Variants in DLG2 observed in about 807,000 individuals in gnomAD.
DLG2 encodes discs large MAGUK scaffold protein 2, also known as disks large homolog 2.
A neutral mutation model predicts 132.5 loss-of-function variants in DLG2; 45 were observed. The observed-to-expected ratio is 0.34, with a 90% confidence interval of 0.27 to 0.44. DLG2 has a LOEUF of 0.44. Among genes scored for constraint, DLG2 ranks in the 20% least tolerant of loss-of-function variants. DLG2 has a pLI of 1.00. For synonymous variants in DLG2, 424 were observed against 419.6 expected (o/e 1.01, Z -0.13); for missense variants, 1,045 against 1,196.9 (o/e 0.87, Z 1.87).
chr11:84,057,668 T>C (rs1442816709), intron 11 of DLG2, among the ~76,000 whole-genome samples: 1 of 152,192 alleles, frequency 6.6e-6, no homozygotes, highest in Non-Finnish European at 1.5e-5. Flanking sequence ...TAGTAAATAA[T>C]AGTACAGATA....
At chr11:85,198,042 T>G (rs1288173395) in intron 4 of DLG2, among the ~76,000 whole-genome samples, 1 of 152,158 alleles carries the variant, frequency 6.6e-6, no homozygotes, top group Non-Finnish European at 1.5e-5. Context: ...ACATGCATTC[T>G]TCCTGTCGGG....
At chr11:84,681,270 T>C (rs1251884393) in intron 6 of DLG2, among the ~76,000 whole-genome samples, 5 of 152,212 alleles carry the variant, frequency 3.3e-5, no homozygotes, top group Non-Finnish European at 7.3e-5. Context: ...GGTATAAGTG[T>C]TACCAAAGAA....
chr11:84,544,872 T>C (rs1214312361), intron 6 of DLG2, among the ~76,000 whole-genome samples: 1 of 152,118 alleles, frequency 6.6e-6, no homozygotes, highest in East Asian at 1.9e-4. Flanking sequence ...AAAAGTGAAT[T>C]TTTCACACAG....
chr11:84,521,793 T>C (rs564127584), intron 7 of DLG2, among the ~76,000 whole-genome samples: 2 of 152,242 alleles, frequency 1.3e-5, no homozygotes, highest in Admixed American at 6.5e-5. Flanking sequence ...ATTGCTTGTT[T>C]ATAATTAAAA....
intron 6 of DLG2, among the ~76,000 whole-genome samples, chr11:84,562,215 T>C (rs2099430043): frequency 6.6e-6 from 1 of 152,148 alleles, no homozygotes; most frequent in Non-Finnish European, 1.5e-5. Flanking sequence ...ATGGCTGTCA[T>C]AGACTAAATA....
At chr11:85,611,444 A>G (rs748449179) in intron 2 of DLG2, among the ~76,000 whole-genome samples, 4 of 152,238 alleles carry the variant, frequency 2.6e-5, no homozygotes, top group Non-Finnish European at 4.4e-5. Context: ...ACCAATCAGC[A>G]TGACTGCCAA....
intron 3 of DLG2, among the ~76,000 whole-genome samples, chr11:85,503,882 T>C (rs1262014691): frequency 6.6e-6 from 1 of 152,028 alleles, no homozygotes; most frequent in East Asian, 1.9e-4. Flanking sequence ...CAGTGAGCTA[T>C]GATCATGTCA....
intron 6 of DLG2, among the ~76,000 whole-genome samples, chr11:85,047,037 A>G (rs1471442868): frequency 6.6e-6 from 1 of 151,980 alleles, no homozygotes; most frequent in Non-Finnish European, 1.5e-5. Flanking sequence ...ATAAGATGCT[A>G]AAATATAGAG....
At chr11:83,583,560 A>G (rs577000445) in intron 19 of DLG2, among the ~76,000 whole-genome samples, 1 of 152,308 alleles carries the variant, frequency 6.6e-6, no homozygotes, top group East Asian at 1.9e-4. Flanking sequence ...GGAGTGGTTT[A>G]TCTCTAAGGT....
chr11:83,817,031 C>T lies in DLG2; in HGVS notation c.1722+16583G>A, dbSNP rs2049182181. Among the ~76,000 whole-genome samples, 3 of 152,260 alleles carry T rather than the reference C, an allele frequency of 2.0e-5. No homozygotes were observed. The South Asian group carries it at 6.2e-4, about 32-fold the overall frequency. On this transcript the variant is annotated intron_variant, in intron 17 of 27. Transcript: ENST00000376104. ...ATTTTACTAGATCTTTACTCAGAAT[C>T]TACTGACTTAAAATAGTAATCTAGC... is the stretch of plus-strand genomic sequence containing the variant.
At chr11:84,122,497 G>A (rs1034647597) in intron 9 of DLG2, among the ~76,000 whole-genome samples, 1 of 152,012 alleles carries the variant, frequency 6.6e-6, no homozygotes, top group Non-Finnish European at 1.5e-5. Flanking sequence ...TTTTGCATGA[G>A]GTCAAGCAGC....
intron 6 of DLG2, among the ~76,000 whole-genome samples, chr11:84,669,736 T>C (rs2099703697): frequency 1.3e-5 from 2 of 152,076 alleles, no homozygotes; most frequent in African/African-American, 4.8e-5. Context: ...CCTGACAATA[T>C]TTTGATCAAA....
intron 6 of DLG2, among the ~76,000 whole-genome samples, chr11:84,744,449 A>G (rs2065096083): frequency 6.6e-6 from 1 of 152,170 alleles, no homozygotes; most frequent in South Asian, 2.1e-4. Context: ...TTTAACTGAC[A>G]AAAATGTAAA....
intron 15 of DLG2, among the ~76,000 whole-genome samples, chr11:83,882,348 G>A (rs2066508164): frequency 6.6e-6 from 1 of 152,204 alleles, no homozygotes; most frequent in African/African-American, 2.4e-5. Context: ...CAAAGTGTAA[G>A]ATTGTACTAA....
intron 6 of DLG2, among the ~76,000 whole-genome samples, chr11:85,062,492 T>C (rs910726485): frequency 2.6e-4 from 39 of 151,670 alleles, no homozygotes; most frequent in African/African-American, 9.4e-4. Flanking sequence ...AATGCAAACA[T>C]TGTGTTAAAT....
At chr11:85,357,986 A>G (rs1049335647) in intron 3 of DLG2, among the ~76,000 whole-genome samples, 2 of 151,720 alleles carry the variant, frequency 1.3e-5, no homozygotes, top group Non-Finnish European at 2.9e-5. Flanking sequence ...GCTAGAGGTT[A>G]TCTCCAAGAA....
At chr11:84,948,695 A>G (rs1482307530) in intron 6 of DLG2, among the ~76,000 whole-genome samples, 1 of 152,142 alleles carries the variant, frequency 6.6e-6, no homozygotes, top group Non-Finnish European at 1.5e-5. Context: ...TTTTTTGGCC[A>G]CCAATATAAA....
chr11:85,210,653 T>A (rs2082195985), intron 4 of DLG2, among the ~76,000 whole-genome samples: 1 of 152,090 alleles, frequency 6.6e-6, no homozygotes, highest in South Asian at 2.1e-4. Flanking sequence ...TGTATTCACC[T>A]CTGCATGCTC....
At chr11:83,716,188 G>A (rs1449835864) in intron 18 of DLG2, among the ~76,000 whole-genome samples, 1 of 152,086 alleles carries the variant, frequency 6.6e-6, no homozygotes, top group Non-Finnish European at 1.5e-5. Context: ...TTTTTTGTTT[G>A]TTTTTTCTTT....
Sources: allele counts gnomAD v4.1 joint callset (sites outside exome capture counted in the v4.1 genomes callset), GRCh38; gene constraint gnomAD v4.1.1; transcripts MANE v1.5; gene names NCBI Gene and HGNC (gene_info 2026-07-23, HGNC 2026-07-21).